The following CALN1 variants were observed in gnomAD, a reference collection of about 807,000 sequenced individuals.
CALN1 encodes calcium-binding protein 8.
Under a neutral mutation model 30.6 loss-of-function variants are expected in CALN1, and 17 were observed. That is an observed-to-expected ratio of 0.56 (90% confidence interval 0.38 to 0.83). CALN1 has a LOEUF of 0.83. CALN1 is among the 40% of genes least tolerant of loss of function. CALN1 has a pLI of 0.00. For missense variants in CALN1, 291 were observed against 354.9 expected (o/e 0.82, Z 1.45); for synonymous variants, 156 against 131.4 (o/e 1.19, Z -1.28).
chr7:71,823,186 CT>C (rs10559746), intron 5 of CALN1, among the ~76,000 whole-genome samples: 25,571 of 141,246 alleles, frequency 0.18, 3,075 homozygotes, highest in East Asian at 0.6. Flanking sequence ...GTCTCTCTCT[CT>C]TTTTTTTTTT....
At chr7:71,798,117 CAGAGACAGAGAGAG>C (rs1342820240) in intron 6 of CALN1, among the ~76,000 whole-genome samples, 994 of 61,860 alleles carry the variant, frequency 0.016, 6 homozygotes, top group East Asian at 0.062. Flanking sequence ...GAGACAGAGA[CAGAGACAGAGAGAG>C]AGAGAGAGAG....
chr7:71,846,635 T>A (rs902634279), intron 5 of CALN1, among the ~76,000 whole-genome samples: 4 of 151,588 alleles, frequency 2.6e-5, no homozygotes, highest in Non-Finnish European at 5.9e-5. Flanking sequence ...TAACCCTCCT[T>A]CTATTGTGCA....
chr7:72,303,676 A>G (rs990576426), intron 2 of CALN1, among the ~76,000 whole-genome samples: 1 of 152,006 alleles, frequency 6.6e-6, no homozygotes, highest in African/African-American at 2.4e-5. Context: ...TCCCTCCTTC[A>G]CTCTCTTTTC....
intron 2 of CALN1, among the ~76,000 whole-genome samples, chr7:72,392,801 G>A (rs920590225): frequency 3.3e-5 from 5 of 150,578 alleles, no homozygotes; most frequent in African/African-American, 7.4e-5. Flanking sequence ...AACATAGCAA[G>A]ACCCTGTTTA....
intron 5 of CALN1, among the ~76,000 whole-genome samples, chr7:71,830,876 A>C (rs1406506799): frequency 6.6e-6 from 1 of 152,196 alleles, no homozygotes; most frequent in African/African-American, 2.4e-5. Context: ...TGTGGCCCAC[A>C]CATAAAAAGT....
intron 6 of CALN1, among the ~76,000 whole-genome samples, chr7:71,802,527 A>G (rs1787367097): frequency 2.0e-5 from 3 of 152,110 alleles, no homozygotes; most frequent in Admixed American, 6.6e-5. Context: ...CACTGGTGCA[A>G]TCATAGCTCA....
At chr7:72,014,970 C>T (rs1800295479) in intron 5 of CALN1, among the ~76,000 whole-genome samples, 1 of 152,130 alleles carries the variant, frequency 6.6e-6, no homozygotes, top group African/African-American at 2.4e-5. Context: ...CCTTTGTTAG[C>T]TTTTTAAATA....
chr7:72,036,736 C>T (rs984971666), intron 4 of CALN1, among the ~76,000 whole-genome samples: 4 of 152,028 alleles, frequency 2.6e-5, no homozygotes. Context: ...TCTTGACTTT[C>T]TCAATGTCTT....
intron 2 of CALN1, among the ~76,000 whole-genome samples, chr7:72,322,864 C>T (rs1174774060): frequency 6.6e-6 from 1 of 151,816 alleles, no homozygotes; most frequent in Non-Finnish European, 1.5e-5. Flanking sequence ...ACCCCACTTA[C>T]CCTGACATCA....
chr7:72,038,499 C>T (rs1227752889), intron 4 of CALN1, among the ~76,000 whole-genome samples: 4 of 151,982 alleles, frequency 2.6e-5, no homozygotes, highest in Non-Finnish European at 5.9e-5. Flanking sequence ...CCTCAGTCTC[C>T]CAGAGTGCTA....
At chr7:72,053,621 CTTTATCAAAG>C (rs986975934) in intron 4 of CALN1, among the ~76,000 whole-genome samples, 2 of 143,460 alleles carry the variant, frequency 1.4e-5, no homozygotes, top group Non-Finnish European at 3.0e-5. Context: ...CTTTCGCAAT[CTTTATCAAAG>C]TTTATCTATT....
At chr7:71,942,022 A>G (rs1040641389) in intron 5 of CALN1, among the ~76,000 whole-genome samples, 8 of 152,086 alleles carry the variant, frequency 5.3e-5, no homozygotes, top group Non-Finnish European at 1.0e-4. Context: ...AACATAGTGA[A>G]ACCCTGTCTC....
At chr7:71,984,329 G>A (rs1798554197) in intron 5 of CALN1, among the ~76,000 whole-genome samples, 1 of 152,164 alleles carries the variant, frequency 6.6e-6, no homozygotes, top group African/African-American at 2.4e-5. Flanking sequence ...GATCAAAGTC[G>A]CAAGGTGTGT....
At chr7:71,868,018 G>A (rs1022982395) in intron 5 of CALN1, among the ~76,000 whole-genome samples, 27 of 151,958 alleles carry the variant, frequency 1.8e-4, no homozygotes, top group African/African-American at 2.4e-4. Flanking sequence ...GTCTTTTCAC[G>A]TATAAAAGTA....
chr7:72,329,912 C>T (rs563356716), intron 2 of CALN1, among the ~76,000 whole-genome samples: 164 of 152,184 alleles, frequency 1.1e-3, no homozygotes, highest in African/African-American at 3.8e-3. Context: ...CGAGATCGCG[C>T]CACTGCATTC....
intron 5 of CALN1, among the ~76,000 whole-genome samples, chr7:71,991,320 G>T (rs1385162320): frequency 6.6e-6 from 1 of 151,986 alleles, no homozygotes; most frequent in Non-Finnish European, 1.5e-5. Flanking sequence ...TTAGCCAGAT[G>T]TGGTGGTGGG....
intron 5 of CALN1, among the ~76,000 whole-genome samples, chr7:71,870,936 C>T (rs1239367526): frequency 6.6e-6 from 1 of 152,150 alleles, no homozygotes; most frequent in Non-Finnish European, 1.5e-5. Context: ...CATACACTTC[C>T]TATAGGCAAG....
chr7:71,936,172 C>T (rs894424871), intron 5 of CALN1, among the ~76,000 whole-genome samples: 2 of 152,094 alleles, frequency 1.3e-5, no homozygotes, highest in Non-Finnish European at 2.9e-5. Flanking sequence ...CTCAGGGCCT[C>T]TTCGGCATGG....
At chr7:72,091,930 T>C (rs78560180) in intron 4 of CALN1, among the ~76,000 whole-genome samples, 2,239 of 152,356 alleles carry the variant, frequency 0.015, 22 homozygotes, top group Non-Finnish European at 0.02. Context: ...GCTGCAAGTA[T>C]GCAACTTCTG....
Sources: gnomAD v4.1 joint callset for allele counts (sites outside exome capture counted in the v4.1 genomes callset) on GRCh38, gnomAD v4.1.1 for gene constraint, MANE v1.5 for transcripts, NCBI Gene and HGNC (gene_info 2026-07-23, HGNC 2026-07-21) for gene names.